The following MCTP1 variants were observed in gnomAD, a reference collection of about 807,000 sequenced individuals.
The protein encoded by MCTP1 is multiple C2 and transmembrane domain containing 1, also known as multiple C2 and transmembrane domain-containing protein 1.
A neutral mutation model predicts 120.6 loss-of-function variants in MCTP1; 69 were observed. That is an observed-to-expected ratio of 0.57 (90% CI 0.47 to 0.70). The LOEUF (loss-of-function observed/expected upper bound fraction) is 0.70. Among genes scored for constraint, MCTP1 ranks in the 30% least tolerant of loss-of-function variants. The pLI is 0.00. For synonymous variants in MCTP1, 529 were observed against 493.1 expected (o/e 1.07, Z -0.96); for missense variants, 1,203 against 1,248.8 (o/e 0.96, Z 0.55).
In MCTP1 at chr5:94,832,646, A is replaced by T. The variant is rs557637584; in HGVS notation, c.2437-33514T>A. On this transcript the variant is annotated intron_variant, in intron 17 of 22. Coordinates refer to ENST00000515393, the MANE Select transcript of MCTP1 (RefSeq NM_024717.7). ...CACACACACACACACACACACACAC[A>T]CTTCCCTACTCCCCTTCAGAATGAC... is the stretch of plus-strand genomic sequence containing the variant. 3.5e-3 allele frequency among the ~76,000 whole-genome samples: 467 copies of T among 133,006 alleles called. 4 individuals are homozygous for T. The highest frequency in any genetic ancestry group is 0.012 in the African/African-American group (452 of 36,736). 87.3% of individuals were successfully genotyped at this position (133,006 alleles called of 152,430 possible).
At chr5:94,856,477 A>G (rs996861469) in intron 17 of MCTP1, among the ~76,000 whole-genome samples, 2 of 151,776 alleles carry the variant, frequency 1.3e-5, no homozygotes, top group Non-Finnish European at 3.0e-5. Flanking sequence ...TTATTTGAGG[A>G]TAAAATGCAT....
At chr5:95,005,770 ATTTT>A (rs70978157) in intron 2 of MCTP1, among the ~76,000 whole-genome samples, 1,820 of 64,884 alleles carry the variant, frequency 0.028, 14 homozygotes, top group Middle Eastern at 0.098. Flanking sequence ...TTCTTTCTTT[ATTTT>A]TTTTTTTTTT....
At chr5:95,230,213 T>A (rs1754772508) in intron 1 of MCTP1, among the ~76,000 whole-genome samples, 1 of 107,456 alleles carries the variant, frequency 9.3e-6, no homozygotes, top group Non-Finnish European at 2.2e-5. Flanking sequence ...TACACACACA[T>A]ATACACATAC....
At chr5:95,198,417 G>C (rs1411170235) in intron 1 of MCTP1, among the ~76,000 whole-genome samples, 1 of 152,070 alleles carries the variant, frequency 6.6e-6, no homozygotes, top group Non-Finnish European at 1.5e-5. Flanking sequence ...TTTTAGTACA[G>C]AATTAAATAA....
At chr5:94,791,502 C>CAT (rs1778961213) in intron 18 of MCTP1, among the ~76,000 whole-genome samples, 1 of 151,300 alleles carries the variant, frequency 6.6e-6, no homozygotes, top group South Asian at 2.1e-4. Context: ...TTCTAAAATA[C>CAT]ACACACACAC....
intron 1 of MCTP1, among the ~76,000 whole-genome samples, chr5:95,088,565 A>G (rs1755610595): frequency 6.6e-6 from 1 of 152,208 alleles, no homozygotes; most frequent in Non-Finnish European, 1.5e-5. Flanking sequence ...TACGGAGGTG[A>G]AGTAATTTGA....
intron 1 of MCTP1, among the ~76,000 whole-genome samples, chr5:95,266,361 T>C (rs1758884305): frequency 6.6e-6 from 1 of 152,332 alleles, no homozygotes; most frequent in South Asian, 2.1e-4. Context: ...AAGTCATGAG[T>C]TTCCTTCCTT....
intron 1 of MCTP1, among the ~76,000 whole-genome samples, chr5:95,173,032 A>G (rs968804347): frequency 3.9e-5 from 6 of 152,110 alleles, no homozygotes; most frequent in Admixed American, 3.9e-4. Flanking sequence ...GTTTTTTTGT[A>G]TAGTCTGTTG....
chr5:95,048,569 T>C (rs2151971176), intron 1 of MCTP1, among the ~76,000 whole-genome samples: 2 of 152,238 alleles, frequency 1.3e-5, no homozygotes, highest in South Asian at 4.1e-4. Flanking sequence ...CACATACTAA[T>C]TTCCCACTTA....
chr5:94,791,657 AAAAC>A (rs1302213358), intron 18 of MCTP1, among the ~76,000 whole-genome samples: 1 of 152,266 alleles, frequency 6.6e-6, no homozygotes, highest in African/African-American at 2.4e-5. Context: ...ATTTTTATAA[AAAAC>A]AAAATATGTG....
chr5:94,923,912 T>C (rs1190501813), intron 7 of MCTP1, 50 bp downstream of exon 7: 3 of 1,175,480 alleles, frequency 2.6e-6, no homozygotes, highest in Admixed American at 2.6e-5. Context: ...TCAAAATTGC[T>C]ATCCAAAACC....
intron 19 of MCTP1, among the ~76,000 whole-genome samples, chr5:94,721,160 A>G (rs1760796746): frequency 6.6e-6 from 1 of 152,230 alleles, no homozygotes; most frequent in Admixed American, 6.5e-5. Flanking sequence ...GAATCACCAT[A>G]GAGCTAAAAT....
chr5:95,150,612 G>C (rs1414753538), intron 1 of MCTP1, among the ~76,000 whole-genome samples: 2 of 152,122 alleles, frequency 1.3e-5, no homozygotes, highest in Admixed American at 6.5e-5. Context: ...ACCTGGAAAC[G>C]TGGTTATCAT....
chr5:95,115,504 CAG>C (rs892825954), intron 1 of MCTP1, among the ~76,000 whole-genome samples: 2 of 151,796 alleles, frequency 1.3e-5, no homozygotes, highest in African/African-American at 4.8e-5. Flanking sequence ...AAGAATGCAT[CAG>C]AGTCTTTTAA....
At chr5:95,130,290 A>G (rs887783219) in intron 1 of MCTP1, among the ~76,000 whole-genome samples, 1 of 151,922 alleles carries the variant, frequency 6.6e-6, no homozygotes, top group Non-Finnish European at 1.5e-5. Context: ...CCTATCTCCT[A>G]CCTCCTGGAA....
chr5:95,052,512 C>A (rs564104498), intron 1 of MCTP1, among the ~76,000 whole-genome samples: 1 of 152,286 alleles, frequency 6.6e-6, no homozygotes, highest in South Asian at 2.1e-4. Flanking sequence ...AAGTACTCTC[C>A]TGCCACTCCC....
At chr5:94,763,758 C>G (rs956721032) in intron 19 of MCTP1, among the ~76,000 whole-genome samples, 1 of 152,096 alleles carries the variant, frequency 6.6e-6, no homozygotes, top group African/African-American at 2.4e-5. Flanking sequence ...ACAGTTCAAC[C>G]TTTATCTGAG....
chr5:94,750,538 G>A (rs951166976), intron 19 of MCTP1, among the ~76,000 whole-genome samples: 1 of 152,188 alleles, frequency 6.6e-6, no homozygotes, highest in Non-Finnish European at 1.5e-5. Context: ...AATGGTCTAT[G>A]TCTCTTCTAG....
At chr5:94,710,712 CA>C in intron 21 of MCTP1, 105 bp downstream of exon 21, 2 of 682,456 alleles carry the variant, frequency 2.9e-6, no homozygotes, top group East Asian at 5.8e-5. Flanking sequence ...GGAGTAGCTT[CA>C]TGACCATAAA....
Sources: gnomAD v4.1 joint callset for allele counts (sites outside exome capture counted in the v4.1 genomes callset) on GRCh38, gnomAD v4.1.1 for gene constraint, MANE v1.5 for transcripts, NCBI Gene and HGNC (gene_info 2026-07-23, HGNC 2026-07-21) for gene names.